The following CCZ1 variants were observed in gnomAD, a reference collection of about 807,000 sequenced individuals.
CCZ1 encodes vacuolar fusion protein CCZ1 homolog.
A neutral mutation model predicts 57.8 loss-of-function variants in CCZ1; 19 were observed. The ratio of observed to expected loss-of-function variants is 0.33; its 90% CI spans 0.23 to 0.48. The LOEUF is 0.48. Among genes scored for constraint, CCZ1 ranks in the 20% least tolerant of loss-of-function variants. The pLI, the probability that CCZ1 is intolerant of heterozygous loss-of-function variation, is 0.99. For missense variants in CCZ1, 200 were observed against 492.0 expected (o/e 0.41, Z 5.61); for synonymous variants, 81 against 167.0 (o/e 0.49, Z 3.97).
In CCZ1 at chr7:5,911,976, CAG is replaced by C. The variant is rs1168147025; in HGVS notation, c.842+57_842+58del. 14 of 1,524,652 alleles carry C rather than the reference CAG, an allele frequency of 9.2e-6. No homozygotes were observed. The East Asian group carries it at 1.9e-4, about 21-fold the overall frequency. 94.4% of individuals were successfully genotyped at this position (1,524,652 alleles called of 1,614,324 possible). The stretch of plus-strand genomic sequence containing the variant: ...ACTGGGTTTTCTTTCTTTTTTGACT[CAG>C]AGTCTGGCTCTGTTACCCAGGCTGG... On this transcript the variant is annotated intron_variant, in intron 9 of 14. Coordinates refer to ENST00000325974, the MANE Select transcript of CCZ1 (RefSeq NM_015622.6).
chr7:5,911,481 G>A (rs866168279), intron 8 of CCZ1, among the ~76,000 whole-genome samples: 1 of 148,728 alleles, frequency 6.7e-6, no homozygotes, highest in Non-Finnish European at 1.5e-5. Context: ...TTTTTGTAGA[G>A]ATGGGATCTC....
intron 12 of CCZ1, among the ~76,000 whole-genome samples, chr7:5,922,834 G>C (rs1179396634): frequency 6.7e-6 from 1 of 148,504 alleles, no homozygotes; most frequent in Non-Finnish European, 1.5e-5. Flanking sequence ...TGGGAGGAAC[G>C]AGGTGTTACT....
intron 7 of CCZ1, among the ~76,000 whole-genome samples, chr7:5,907,863 G>A (rs1352573556): frequency 8.5e-6 from 1 of 117,512 alleles, no homozygotes; most frequent in Non-Finnish European, 1.7e-5. Flanking sequence ...TTGGGAGGCT[G>A]AGGCAGGAGG....
At chr7:5,923,079 GA>G (rs1779277223) in intron 12 of CCZ1, among the ~76,000 whole-genome samples, 1 of 122,150 alleles carries the variant, frequency 8.2e-6, no homozygotes, top group African/African-American at 3.5e-5. Context: ...TGCACTTTGG[GA>G]GGCCAAGGCG....
At chr7:5,905,627 C>A (rs1310879796) in intron 7 of CCZ1, among the ~76,000 whole-genome samples, 1 of 143,728 alleles carries the variant, frequency 7.0e-6, no homozygotes, top group African/African-American at 2.6e-5. Context: ...ACTAAAAATA[C>A]AAAAAGTAGC....
Position 5,912,825 on chromosome 7 carries a change from T to C in CCZ1, c.843-18T>C, listed in dbSNP as rs1448742974. 1.1e-5 allele frequency: 12 copies of C among 1,098,006 alleles called. No individual in the cohort carries two copies. The highest frequency in any genetic ancestry group is 1.5e-5 in the Non-Finnish European group (11 of 713,570). The allele number at this position is 1,098,006 out of a possible 1,614,324, so 68.0% of individuals were successfully genotyped here. On this transcript the variant is annotated intron_variant, in intron 9 of 14. Transcript: ENST00000325974. The stretch of plus-strand genomic sequence containing the variant: ...CTTCACCTCGTTGAATCAAGTCATG[T>C]CTGTTCTTGCTTTTAAGATTTCTTA...
chr7:5,906,798 C>T (rs960470458), intron 7 of CCZ1, among the ~76,000 whole-genome samples: 2 of 150,854 alleles, frequency 1.3e-5, no homozygotes, highest in African/African-American at 2.5e-5. Flanking sequence ...AGTTAATAAA[C>T]AACTTGGTGG....
At chr7:5,905,902 C>CTTTTTT (rs148585423) in intron 7 of CCZ1, among the ~76,000 whole-genome samples, 89 of 93,010 alleles carry the variant, frequency 9.6e-4, no homozygotes, top group African/African-American at 2.2e-3. Context: ...ATTTTTATAC[C>CTTTTTT]TTTTTTTTTT....
In CCZ1 at chr7:5,905,265, A is replaced by G. The variant is rs770246011; in HGVS notation, c.694A>G (p.Ile232Val). The change falls in exon 7 of 15, where the codon ATC becomes GTC. Residue 232 changes from isoleucine to valine, a missense_variant. Physicochemically the swap from Ile to Val is conservative, Grantham distance 29. Transcript: ENST00000325974. ...TGCTTTTCTCTATAACGATCAGCTC[A>G]TCTGGTAGGTACACCCCGAGGCATG... Reference protein sequence around the residue: ...YTAFLYNDQLIWSGLEQDDMR... With the variant: ...YTAFLYNDQLVWSGLEQDDMR... The G allele has an allele frequency of 8.0e-6, 12 of 1,499,836 alleles. No individual in the cohort carries two copies. The South Asian group carries it at 1.2e-4, about 16-fold the overall frequency. The allele number at this position is 1,499,836 out of a possible 1,614,324, so 92.9% of individuals were successfully genotyped here.
At chr7:5,899,575 T>G in intron 1 of CCZ1, among the ~76,000 whole-genome samples, 1 of 103,192 alleles carries the variant, frequency 9.7e-6, no homozygotes, top group Non-Finnish European at 2.0e-5. Flanking sequence ...CTGGGCAACA[T>G]AGCAAGACCC....
chr7:5,901,771 G>T, intron 5 of CCZ1, 67 bp downstream of exon 5: 1 of 1,569,326 alleles, frequency 6.4e-7, no homozygotes, highest in Non-Finnish European at 8.6e-7. Context: ...CTCCAGGGTT[G>T]TTTAAAGAGA....
At chr7:5,901,622 G>T (rs375707297) in intron 4 of CCZ1, 35 bp from the exon 5 acceptor site, 8 of 1,581,320 alleles carry the variant, frequency 5.1e-6, no homozygotes, top group South Asian at 2.3e-5. Flanking sequence ...TTTTTCCCTT[G>T]AACTGAGCTG....
chr7:5,901,514 T>C (rs1314205377), intron 4 of CCZ1, 143 bp from the exon 5 acceptor site: 1 of 1,334,060 alleles, frequency 7.5e-7, no homozygotes, highest in Non-Finnish European at 9.7e-7. Context: ...CGCAAACACT[T>C]TTTTTTCAGC....
rs757291443 is a variant in CCZ1, at chr7:5,910,173, T to G, written c.780+57T>G. On this transcript the variant is annotated intron_variant, in intron 8 of 14. Coordinates refer to ENST00000325974, the MANE Select transcript of CCZ1 (RefSeq NM_015622.6). ...CATGCAGGGGCACAGAGAGGGCAGG[T>G]GGAGTGAGATGGTGGTGCATGGGGG... 6.2e-5 allele frequency: 88 copies of G among 1,417,794 alleles called. No homozygotes were observed. The Middle Eastern group carries it at 8.9e-4, about 14-fold the overall frequency. 87.8% of individuals were successfully genotyped at this position (1,417,794 alleles called of 1,614,324 possible).
intron 7 of CCZ1, among the ~76,000 whole-genome samples, chr7:5,909,761 C>A (rs2345621): frequency 0.53 from 72,721 of 138,096 alleles, 19,079 homozygotes; most frequent in East Asian, 0.84. Context: ...GCTTCAAATT[C>A]TTTGGAAAAG....
chr7:5,907,978 T>TA (rs752557115), intron 7 of CCZ1, among the ~76,000 whole-genome samples: 51 of 142,052 alleles, frequency 3.6e-4, no homozygotes, highest in Non-Finnish European at 6.0e-4. Flanking sequence ...GGTGTGCACT[T>TA]AGAGTCCCAA....
At position 5,906,481 on chromosome 7, in the gene CCZ1, C is replaced by T. The variant is rs1291356458; in HGVS notation, c.698+1212C>T. On this transcript the variant is annotated intron_variant, in intron 7 of 14. Coordinates refer to ENST00000325974, the MANE Select transcript of CCZ1 (RefSeq NM_015622.6). Reference sequence around the variant, plus strand: ...GGGATTACAGGCATATGCCACCATGCCCGGCTAATTTTTGTATTTTCAGTA... The same window carrying T: ...GGGATTACAGGCATATGCCACCATGTCCGGCTAATTTTTGTATTTTCAGTA... Among the ~76,000 whole-genome samples the T allele has an allele frequency of 2.0e-5, 3 of 148,190 alleles. 1 individual carries two copies. The highest frequency in any genetic ancestry group is 5.0e-5 in the African/African-American group (2 of 39,922).
intron 14 of CCZ1, 199 bp from the exon 15 acceptor site, chr7:5,925,433 C>A (rs1779343246): frequency 1.9e-6 from 1 of 532,540 alleles, no homozygotes; most frequent in Non-Finnish European, 3.4e-6. Flanking sequence ...CACCACTACA[C>A]TCCAGCCTGG....
chr7:5,903,643 C>T (rs893338231), intron 6 of CCZ1, among the ~76,000 whole-genome samples: 3 of 141,458 alleles, frequency 2.1e-5, no homozygotes, highest in African/African-American at 5.5e-5. Context: ...TACCCATCAA[C>T]ATATGGATAG....
Sources: gnomAD v4.1 joint callset for allele counts (sites outside exome capture counted in the v4.1 genomes callset) on GRCh38, gnomAD v4.1.1 for gene constraint, MANE v1.5 for transcripts, NCBI Gene and HGNC (gene_info 2026-07-23, HGNC 2026-07-21) for gene names.